Variants in CCAR1 observed in about 807,000 individuals in gnomAD.
CCAR1 encodes the protein cell division cycle and apoptosis regulator 1, also known as cell division cycle and apoptosis regulator protein 1.
In CCAR1, 78 loss-of-function variants were observed where a neutral mutation model predicts 163.8. That is an observed-to-expected ratio of 0.48 (90% CI 0.40 to 0.57). The LOEUF is 0.57. Among genes scored for constraint, CCAR1 ranks in the 20% least tolerant of loss-of-function variants. The pLI is 0.00. For missense variants in CCAR1, 1,019 were observed against 1,365.2 expected, an observed-to-expected ratio of 0.75 and a Z score of 4.00; for synonymous variants, 443 against 460.7, an observed-to-expected ratio of 0.96 and a Z score of 0.49.
At chr10:68,773,679 T>G (rs201959175) in intron 19 of CCAR1, among the ~76,000 whole-genome samples, 1 of 137,994 alleles carries the variant, frequency 7.2e-6, no homozygotes, top group African/African-American at 2.6e-5. Flanking sequence ...AAAAAAAAAA[T>G]GTATAATAGT....
intron 18 of CCAR1, among the ~76,000 whole-genome samples, chr10:68,772,771 C>A (rs934472177): frequency 3.4e-5 from 5 of 148,236 alleles, no homozygotes; most frequent in Admixed American, 2.0e-4. Context: ...AAAAAAAAAA[C>A]CATATATATA....
chr10:68,761,866 T>C (rs1320110887), intron 16 of CCAR1, among the ~76,000 whole-genome samples: 1 of 152,102 alleles, frequency 6.6e-6, no homozygotes, highest in Non-Finnish European at 1.5e-5. Flanking sequence ...CCTCTCAAAG[T>C]GCTGAGGTTA....
In CCAR1 at chr10:68,757,427, C is replaced by A. The variant is rs758378561; in HGVS notation, c.1920+50C>A. 59 of 1,051,294 alleles carry A rather than the reference C, an allele frequency of 5.6e-5. No individual in the cohort carries two copies. In the Admixed American group the frequency reaches 9.4e-4, roughly 17 times the overall value. The allele number at this position is 1,051,294 out of a possible 1,614,324, so 65.1% of individuals were successfully genotyped here. A position where few individuals can be genotyped will look rare whatever the true frequency, so the allele number is the denominator to read the frequency against. ...ATTTATTTTTTTCAATTAAAAAGTT[C>A]TTTCTGAGATGGAGTCTCGCTCTGT... On this transcript the variant is annotated intron_variant, in intron 15 of 24. Transcript: ENST00000265872.
intron 10 of CCAR1, among the ~76,000 whole-genome samples, chr10:68,752,217 C>G (rs2056341861): frequency 6.6e-6 from 1 of 152,056 alleles, no homozygotes; most frequent in African/African-American, 2.4e-5. Flanking sequence ...CGCACCCGGC[C>G]TCACAGTTTA....
rs991317850 is a variant in CCAR1, at chr10:68,788,219, G to T, written c.3078G>T (p.Val1026=). 2 of 1,604,606 alleles carry T rather than the reference G, an allele frequency of 1.2e-6. No individual in the cohort carries two copies. The highest frequency in any genetic ancestry group is 1.7e-6 in the Non-Finnish European group (2 of 1,176,276). The change falls in exon 23 of 25, where the codon GTG becomes GTT. Residue 1026 remains valine (V), a synonymous_variant. Coordinates refer to ENST00000265872, the MANE Select transcript of CCAR1 (RefSeq NM_018237.4). Reference sequence around the variant, plus strand: ...TGGAAGAAAATGTTGGCCTCATTGTGTACAATGGTGCAATGGTAGATGTAG... The same window carrying T: ...TGGAAGAAAATGTTGGCCTCATTGTTTACAATGGTGCAATGGTAGATGTAG... ...KDVEENVGLI[V]YNGAMVDVGS... is the part of the protein sequence containing the mutation.
At chr10:68,778,017 G>C (rs1309320250) in intron 19 of CCAR1, among the ~76,000 whole-genome samples, 1 of 152,064 alleles carries the variant, frequency 6.6e-6, no homozygotes, top group Non-Finnish European at 1.5e-5. Flanking sequence ...TCAGGAGTTC[G>C]AGACTAGCCT....
chr10:68,749,231 G>T lies in CCAR1; in HGVS notation c.922G>T (p.Gly308Trp), dbSNP rs1278436240. 6.2e-7 allele frequency: 1 copy of T among 1,612,704 alleles called. No individual in the cohort carries two copies. The highest frequency in any genetic ancestry group is 8.5e-7 in the Non-Finnish European group (1 of 1,179,706). ...CCGATTTTCAGGAAGAAATGACAGA[G>T]GGGATCAAGTGCCTAACAGAAAAGA... ...PSRFSGRNDR[G>W]DQVPNRKDDR... The change falls in exon 9 of 25, where the codon GGG (glycine) becomes TGG (tryptophan). Residue 308 changes from glycine (G) to tryptophan (W), a missense_variant. Physicochemically the swap from Gly to Trp is radical, Grantham distance 184. This residue lies in a region of CCAR1 where 644 missense variants were observed against 904.4 expected (regional missense o/e 0.71). Transcript: ENST00000265872.
intron 23 of CCAR1, among the ~76,000 whole-genome samples, chr10:68,788,843 A>C (rs2056823328): frequency 6.6e-6 from 1 of 151,988 alleles, no homozygotes; most frequent in South Asian, 2.1e-4. Flanking sequence ...CTTTATCTGA[A>C]TCTTAGGTCT....
At chr10:68,762,991 T>C (rs1290760474) in intron 16 of CCAR1, among the ~76,000 whole-genome samples, 1 of 152,158 alleles carries the variant, frequency 6.6e-6, no homozygotes, top group Non-Finnish European at 1.5e-5. Context: ...AATTTTATTA[T>C]GGATATGGAT....
chr10:68,777,153 A>G (rs2056676538), intron 19 of CCAR1, among the ~76,000 whole-genome samples: 1 of 152,276 alleles, frequency 6.6e-6, no homozygotes, highest in East Asian at 1.9e-4. Flanking sequence ...TTCATAACTT[A>G]TCCAGAATCA....
chr10:68,736,008 A>G (rs1465014057), intron 2 of CCAR1, among the ~76,000 whole-genome samples: 1 of 151,986 alleles, frequency 6.6e-6, no homozygotes, highest in Non-Finnish European at 1.5e-5. Flanking sequence ...GTGTGTCACC[A>G]TGCCCAGTTA....
At chr10:68,725,124 G>A (rs533532136) in intron 2 of CCAR1, among the ~76,000 whole-genome samples, 2 of 151,618 alleles carry the variant, frequency 1.3e-5, no homozygotes, top group East Asian at 1.9e-4. Flanking sequence ...CCTGGGCAAC[G>A]AGAGAAACTC....
At chr10:68,770,835 T>C (rs1443830838) in intron 17 of CCAR1, among the ~76,000 whole-genome samples, 2 of 152,196 alleles carry the variant, frequency 1.3e-5, no homozygotes, top group Non-Finnish European at 2.9e-5. Context: ...CCCAGCACTT[T>C]GGGAGGCCGA....
chr10:68,768,602 CTT>C (rs2056563818), intron 17 of CCAR1, among the ~76,000 whole-genome samples: 1 of 152,128 alleles, frequency 6.6e-6, no homozygotes, highest in East Asian at 1.9e-4. Flanking sequence ...CAGAGCGAGA[CTT>C]TGTCTCAAAA....
At chr10:68,761,415 T>C (rs1475478235) in intron 16 of CCAR1, among the ~76,000 whole-genome samples, 2 of 152,078 alleles carry the variant, frequency 1.3e-5, no homozygotes, top group African/African-American at 4.8e-5. Flanking sequence ...CAAGCTATTC[T>C]CCTGCCTCAG....
chr10:68,721,268 C>G lies in CCAR1; in HGVS notation c.-65C>G. ...GGTTTGAAATGGCTTCGATGTTAGC[C>G]GGGACCCGACTCAGGTGAAGGTCTG... On this transcript the variant is annotated 5_prime_UTR_variant, in exon 1 of 25. Coordinates refer to ENST00000265872, the MANE Select transcript of CCAR1 (RefSeq NM_018237.4). 1 of 178,188 alleles carries G rather than the reference C, an allele frequency of 5.6e-6. No individual in the cohort carries two copies. Among genetic ancestry groups the G allele is most frequent in the Non-Finnish European group, 1.2e-5 (1 of 81,630 alleles). The allele number at this position is 178,188 out of a possible 1,614,324, so 11.0% of individuals were successfully genotyped here.
chr10:68,742,344 T>G, intron 5 of CCAR1, 32 bp from the exon 6 acceptor site: 1 of 1,517,700 alleles, frequency 6.6e-7, no homozygotes, highest in Non-Finnish European at 8.9e-7. Context: ...TTCAAATCAT[T>G]ACCTTAATTT....
At chr10:68,732,026 T>G (rs1325953479) in intron 2 of CCAR1, among the ~76,000 whole-genome samples, 2 of 152,140 alleles carry the variant, frequency 1.3e-5, no homozygotes, top group African/African-American at 4.8e-5. Context: ...AGAAAAATTA[T>G]AAGAAAAAAT....
At chr10:68,744,148 G>A (rs1262985731) in intron 6 of CCAR1, among the ~76,000 whole-genome samples, 1 of 152,168 alleles carries the variant, frequency 6.6e-6, no homozygotes, top group East Asian at 1.9e-4. Flanking sequence ...GCCCTGCAAA[G>A]TGCTGGGATT....
Sources: gnomAD v4.1 joint callset for allele counts (sites outside exome capture counted in the v4.1 genomes callset) on GRCh38, gnomAD v4.1.1 for gene constraint, gnomAD v4.1.1 regional missense constraint, MANE v1.5 for transcripts, NCBI Gene and HGNC (gene_info 2026-07-23, HGNC 2026-07-21) for gene names.